Variants in SMS observed in about 807,000 individuals in gnomAD.
SMS encodes the protein spermine synthase, also known as spermidine aminopropyltransferase.
SMS carries 3 observed loss-of-function variants against 33.0 expected under a neutral mutation model. That is an observed-to-expected ratio of 0.09 (90% CI 0.04 to 0.23). The LOEUF (loss-of-function observed/expected upper bound fraction) is 0.23, where lower values mean the gene tolerates loss of function less well. Among genes scored for constraint, SMS ranks in the 10% least tolerant of loss-of-function variants. The pLI is 1.00. For synonymous variants in SMS, 103 were observed against 112.2 expected, an observed-to-expected ratio of 0.92 and a Z score of 0.52; for missense variants, 117 against 288.6, an observed-to-expected ratio of 0.41 and a Z score of 4.31.
intron 1 of SMS, among the ~76,000 whole-genome samples, chrX:21,943,167 G>C (rs1032237999): frequency 2.8e-5 from 3 of 108,283 alleles, no homozygotes; most frequent in Non-Finnish European, 5.8e-5. Context: ...TTTCTTTTAT[G>C]CTTTAAGGAG....
At chrX:21,979,611 C>A (rs5904596) in intron 7 of SMS, among the ~76,000 whole-genome samples, 58,188 of 109,809 alleles carry the variant, frequency 0.53, 13,238 homozygotes, top group East Asian at 0.81. Context: ...CCTTAATGGG[C>A]ATTTGGGTTG....
At chrX:21,960,035 CCGTGTG>C (rs776397241) in intron 1 of SMS, 1 of 423,633 alleles carries the variant, frequency 2.4e-6, no homozygotes, top group Non-Finnish European at 3.0e-6. Flanking sequence ...GTGTGTACAT[CCGTGTG>C]TGTGTGTGTA....
chrX:21,956,431 G>A (rs946181957), intron 1 of SMS, among the ~76,000 whole-genome samples: 2 of 111,130 alleles, frequency 1.8e-5, no homozygotes, highest in Non-Finnish European at 3.8e-5. Context: ...CTACAGGCAC[G>A]CACCACTGCA....
rs59082770 is a variant in SMS at position 21,948,439 on chromosome X, C to CTTTTTTTTTTTTTT, written c.49+7570_49+7583dup. On this transcript the variant is annotated intron_variant, in intron 1 of 10. Coordinates refer to ENST00000404933, the MANE Select transcript of SMS (RefSeq NM_004595.5). The stretch of plus-strand genomic sequence containing the variant: ...AATAACCAGTAGTCAGTCAATGTGT[C>CTTTTTTTTTTTTTT]TTTTTTTTTTTTTTTTTAAGAAAGT... Among the ~76,000 whole-genome samples, 630 of 80,031 alleles carry CTTTTTTTTTTTTTT rather than the reference C, an allele frequency of 7.9e-3. 23 individuals are homozygous for CTTTTTTTTTTTTTT. The highest frequency in any genetic ancestry group is 0.018 in the Admixed American group (131 of 7,483). The allele number at this position is 80,031 out of a possible 115,157, so 69.5% of individuals were successfully genotyped here. A position where few individuals can be genotyped will look rare whatever the true frequency, so the allele number is the denominator to read the frequency against.
intron 1 of SMS, among the ~76,000 whole-genome samples, chrX:21,941,884 CAAAAAAAAAAAAAAAAAAAAAAAAAAAAA>C (rs760394146): frequency 1.0e-4 from 2 of 19,565 alleles, no homozygotes; most frequent in Non-Finnish European, 1.9e-4. Context: ...GACCCTGTCT[CAAAAAAAAAAAAAAAAAAAAAAAAAAAAA>C]AAAAAAAAAA....
At chrX:21,990,563 T>A (rs376081903) in intron 9 of SMS, among the ~76,000 whole-genome samples, 26 of 112,859 alleles carry the variant, frequency 2.3e-4, no homozygotes, top group East Asian at 1.9e-3. Flanking sequence ...ATCATGTTAC[T>A]TTTTTGGGGT....
chrX:21,985,080 T>C, intron 8 of SMS, 64 bp from the exon 9 acceptor site: 1 of 708,404 alleles, frequency 1.4e-6, no homozygotes. Context: ...TCGAATATTT[T>C]ACTTCAGATG....
intron 1 of SMS, among the ~76,000 whole-genome samples, chrX:21,963,320 G>A (rs918164245): frequency 9.0e-6 from 1 of 111,412 alleles, no homozygotes; most frequent in African/African-American, 3.3e-5. Context: ...TCCCCATAAG[G>A]CCCTGCAGAC....
At position 21,986,995 on chromosome X, in the gene SMS, G is replaced by GTTTT. The variant is rs10691989; in HGVS notation, c.945+1786_945+1789dup. 4.6e-3 allele frequency among the ~76,000 whole-genome samples: 397 copies of GTTTT among 86,516 alleles called. 11 individuals carry two copies. Among genetic ancestry groups the GTTTT allele is most frequent in the African/African-American group, 0.017 (365 of 22,099 alleles). 75.1% of individuals were successfully genotyped at this position (86,516 alleles called of 115,157 possible). A position where few individuals can be genotyped will look rare whatever the true frequency, so the allele number is the denominator to read the frequency against. ...AAAGAAGCAAGTTGGACTTATGATG[G>GTTTT]TTTTTTTTTTTTTTTTTGAGATGGA... On this transcript the variant is annotated intron_variant, in intron 9 of 10. Transcript: ENST00000404933.
At chrX:21,970,642 C>T (rs892961129) in intron 2 of SMS, among the ~76,000 whole-genome samples, 4 of 110,013 alleles carry the variant, frequency 3.6e-5, no homozygotes, top group African/African-American at 1.3e-4. Flanking sequence ...GATCATGGCT[C>T]ACTTAGGCCT....
chrX:21,980,902 T>C (rs544976219), intron 7 of SMS, among the ~76,000 whole-genome samples: 3 of 112,234 alleles, frequency 2.7e-5, no homozygotes, highest in African/African-American at 9.7e-5. Context: ...TTCAAAGTAA[T>C]CAAGTGTTAA....
chrX:21,973,278 A>T (rs747558842), intron 4 of SMS, among the ~76,000 whole-genome samples: 2 of 112,465 alleles, frequency 1.8e-5, no homozygotes, highest in East Asian at 5.6e-4. Flanking sequence ...CTCTACTAAA[A>T]ATAGAAAAAG....
intron 3 of SMS, 22 bp from the exon 4 acceptor site, chrX:21,972,485 T>C: frequency 9.3e-7 from 1 of 1,070,156 alleles, no homozygotes; most frequent in Non-Finnish European, 1.3e-6. Flanking sequence ...TACAAGCCCA[T>C]TGATTTTTCT....
chrX:21,979,368 G>A (rs369592097), intron 7 of SMS, among the ~76,000 whole-genome samples: 205 of 98,258 alleles, frequency 2.1e-3, no homozygotes, highest in African/African-American at 7.0e-3. Context: ...CCCTACCCCC[G>A]ATCGGCCCCG....
rs1555992699 is a variant in SMS at position 21,944,544 on chromosome X, A to AAAAAAAAGAAAAG, written c.49+3672_49+3673insAAAAAAGAAAAGA. On this transcript the variant is annotated intron_variant, in intron 1 of 10. Transcript: ENST00000404933. ...CTACAAAAAAAAAAAAAAAAAAAAA[A>AAAAAAAAGAAAAG]AGAAAAAAAATTAGCCAGGTGTGGT... Among the ~76,000 whole-genome samples the AAAAAAAAGAAAAG allele has an allele frequency of 5.1e-5, 5 of 98,986 alleles. No homozygotes were observed. The Admixed American group carries it at 5.4e-4, about 11-fold the overall frequency. 86.0% of individuals were successfully genotyped at this position (98,986 alleles called of 115,157 possible).
At chrX:21,980,412 C>G (rs1295475489) in intron 7 of SMS, among the ~76,000 whole-genome samples, 41 of 17,239 alleles carry the variant, frequency 2.4e-3, no homozygotes, top group African/African-American at 5.6e-3. Flanking sequence ...GGGAGACTGT[C>G]TCCAAAAAAA....
At chrX:21,993,890 TTTCCCTCTCCTCCTCC>T (rs1354121293) in intron 10 of SMS, among the ~76,000 whole-genome samples, 98 of 108,834 alleles carry the variant, frequency 9.0e-4, no homozygotes, top group Middle Eastern at 9.3e-3. Flanking sequence ...TCTGACCTTT[TTTCCCTCTCCTCCTCC>T]TTCCCTCTCC....
At chrX:21,955,837 T>C (rs936911750) in intron 1 of SMS, among the ~76,000 whole-genome samples, 1 of 112,217 alleles carries the variant, frequency 8.9e-6, no homozygotes, top group Non-Finnish European at 1.9e-5. Context: ...CACAAACTAA[T>C]GGATAATATT....
intron 1 of SMS, among the ~76,000 whole-genome samples, chrX:21,945,667 C>T (rs941574347): frequency 4.6e-5 from 4 of 86,046 alleles, no homozygotes; most frequent in African/African-American, 8.7e-5. Context: ...CTCGCTCTGT[C>T]GCCCAGAGCT....
Sources: allele counts gnomAD v4.1 joint callset (sites outside exome capture counted in the v4.1 genomes callset), GRCh38; gene constraint gnomAD v4.1.1; transcripts MANE v1.5; gene names NCBI Gene and HGNC (gene_info 2026-07-23, HGNC 2026-07-21).